The following ERBB4 variants were observed in gnomAD, a reference collection of about 807,000 sequenced individuals.
The protein encoded by ERBB4 is receptor tyrosine-protein kinase erbB-4.
Under a neutral mutation model 158.0 loss-of-function variants are expected in ERBB4, and 42 were observed. The ratio of observed to expected loss-of-function variants is 0.27; its 90% CI spans 0.21 to 0.34. The LOEUF is 0.34. ERBB4 is among the 10% of genes least tolerant of loss of function. The pLI is 1.00. For synonymous variants in ERBB4, 583 were observed against 558.7 expected (o/e 1.04, Z -0.61); for missense variants, 1,333 against 1,624.1 (o/e 0.82, Z 3.08).
intron 1 of ERBB4, among the ~76,000 whole-genome samples, chr2:212,248,735 G>A (rs188189475): frequency 1.8e-4 from 27 of 152,080 alleles, no homozygotes; most frequent in South Asian, 4.2e-4. Context: ...AGTACTAAAC[G>A]GTTGCTCAAA....
intron 19 of ERBB4, among the ~76,000 whole-genome samples, chr2:211,576,389 T>G (rs1350269792): frequency 6.6e-6 from 1 of 152,154 alleles, no homozygotes; most frequent in Non-Finnish European, 1.5e-5. Context: ...ACCAATACTT[T>G]AGAAATGGCA....
chr2:211,387,839 C>A, intron 26 of ERBB4, 106 bp downstream of exon 26: 1 of 876,110 alleles, frequency 1.1e-6, no homozygotes, highest in Non-Finnish European at 2.0e-6. Context: ...TCTTAACTCA[C>A]TGTTGGCAAA....
At chr2:211,551,711 T>TA (rs2067103334) in intron 20 of ERBB4, among the ~76,000 whole-genome samples, 1 of 152,194 alleles carries the variant, frequency 6.6e-6, no homozygotes, top group African/African-American at 2.4e-5. Flanking sequence ...TATCTACACA[T>TA]AGCATCTGGT....
intron 2 of ERBB4, among the ~76,000 whole-genome samples, chr2:212,097,217 ATTG>A (rs2078957787): frequency 6.6e-6 from 1 of 152,174 alleles, no homozygotes; most frequent in Non-Finnish European, 1.5e-5. Flanking sequence ...TAATTTCATC[ATTG>A]TTGTAACAAT....
chr2:212,103,025 T>C (rs2079127816), intron 2 of ERBB4, among the ~76,000 whole-genome samples: 1 of 152,140 alleles, frequency 6.6e-6, no homozygotes, highest in Non-Finnish European at 1.5e-5. Flanking sequence ...ATGTTATATC[T>C]GTCTCTGTCC....
chr2:211,887,928 T>A (rs1378376107), intron 3 of ERBB4, among the ~76,000 whole-genome samples: 1 of 152,184 alleles, frequency 6.6e-6, no homozygotes, highest in Non-Finnish European at 1.5e-5. Flanking sequence ...TGACCCTGAA[T>A]CAATTGTTTC....
intron 2 of ERBB4, among the ~76,000 whole-genome samples, chr2:212,025,684 G>GA (rs1329827674): frequency 6.6e-6 from 1 of 151,640 alleles, no homozygotes; most frequent in Non-Finnish European, 1.5e-5. Flanking sequence ...TTTAGGTAAT[G>GA]AGAGCTTCCC....
chr2:211,419,576 A>G (rs1258767089), intron 25 of ERBB4, among the ~76,000 whole-genome samples: 7 of 152,100 alleles, frequency 4.6e-5, no homozygotes, highest in South Asian at 2.1e-4. Flanking sequence ...ACACAAATTT[A>G]CTACTTCTTC....
At chr2:212,104,090 C>A (rs7590747) in intron 2 of ERBB4, among the ~76,000 whole-genome samples, 2,773 of 152,138 alleles carry the variant, frequency 0.018, 91 homozygotes, top group African/African-American at 0.063. Flanking sequence ...TCATTATTAA[C>A]CTCAAACAGA....
rs181503985 is a variant in ERBB4, at chr2:211,480,023, C to T, written c.2488-48923G>A. ...ATAGGTATGCTGAAGTGTGGCATAA[C>T]CAGTTGTCTCTGCCAAAAGACATCT... On this transcript the variant is annotated intron_variant, in intron 20 of 27. Coordinates refer to ENST00000342788, the MANE Select transcript of ERBB4 (RefSeq NM_005235.3). Among the ~76,000 whole-genome samples, 8 of 152,200 alleles carry T rather than the reference C, an allele frequency of 5.3e-5. No homozygotes were observed. The East Asian group carries it at 1.5e-3, about 29-fold the overall frequency.
intron 2 of ERBB4, among the ~76,000 whole-genome samples, chr2:212,052,239 G>C (rs1178113011): frequency 6.6e-6 from 1 of 152,152 alleles, no homozygotes; most frequent in Admixed American, 6.5e-5. Context: ...CAGACTCCTA[G>C]CTCTTCAGCT....
intron 20 of ERBB4, among the ~76,000 whole-genome samples, chr2:211,504,924 G>A (rs2065707493): frequency 6.6e-6 from 1 of 151,956 alleles, no homozygotes; most frequent in African/African-American, 2.4e-5. Flanking sequence ...TTAAAAACAA[G>A]CAAAGCATTT....
chr2:211,696,023 TCTTC>T (rs1191824087), intron 12 of ERBB4, among the ~76,000 whole-genome samples: 2 of 146,934 alleles, frequency 1.4e-5, no homozygotes, highest in Admixed American at 6.8e-5. Flanking sequence ...CTTTCCTTTC[TCTTC>T]CTTCCTTCCC....
Position 211,383,651 on chromosome 2 carries a change from C to T in ERBB4, c.3891G>A (p.Pro1297=), listed in dbSNP as rs758510094. ...EFSLKPGTVL[P]PPPYRHRNTV... ...TATTCCGGTGTCTGTAAGGTGGAGG[C>T]GGCAGCACAGTGCCTGGCTTCAGGG... Residue 1297 remains proline, a synonymous_variant, in exon 28 of 28, where the codon CCG becomes CCA. Coordinates refer to ENST00000342788, the MANE Select transcript of ERBB4 (RefSeq NM_005235.3). 4.0e-5 allele frequency: 65 copies of T among 1,613,520 alleles called. No homozygotes were observed. The South Asian group carries it at 4.9e-4, about 12-fold the overall frequency.
At chr2:211,626,586 T>C (rs1022537611) in intron 17 of ERBB4, among the ~76,000 whole-genome samples, 6 of 152,172 alleles carry the variant, frequency 3.9e-5, no homozygotes, top group African/African-American at 4.8e-5. Flanking sequence ...TAAAATAATT[T>C]AGTCTTAAAG....
intron 19 of ERBB4, among the ~76,000 whole-genome samples, chr2:211,575,264 T>C (rs1235298276): frequency 6.6e-6 from 1 of 152,194 alleles, no homozygotes; most frequent in Non-Finnish European, 1.5e-5. Flanking sequence ...AATGAAATAT[T>C]TACAAAGTGA....
intron 1 of ERBB4, among the ~76,000 whole-genome samples, chr2:212,242,995 C>A (rs2084170391): frequency 6.6e-6 from 1 of 152,144 alleles, no homozygotes; most frequent in African/African-American, 2.4e-5. Flanking sequence ...TTCCCCATTG[C>A]ATGAAATTTG....
intron 1 of ERBB4, among the ~76,000 whole-genome samples, chr2:212,485,192 C>A (rs74335062): frequency 0.07 from 10,591 of 151,962 alleles, 510 homozygotes; most frequent in African/African-American, 0.13. Flanking sequence ...CAGGAAATAC[C>A]CTATTTTCTA....
At chr2:212,529,781 C>T (rs894855058) in intron 1 of ERBB4, among the ~76,000 whole-genome samples, 1 of 152,112 alleles carries the variant, frequency 6.6e-6, no homozygotes, top group Non-Finnish European at 1.5e-5. Context: ...GGACTACTGG[C>T]TAGAGTAGCC....
Sources: gnomAD v4.1 joint callset for allele counts (sites outside exome capture counted in the v4.1 genomes callset) on GRCh38, gnomAD v4.1.1 for gene constraint, MANE v1.5 for transcripts, NCBI Gene and HGNC (gene_info 2026-07-23, HGNC 2026-07-21) for gene names.